Variants in CYFIP2 observed in about 807,000 individuals in gnomAD.
CYFIP2 encodes the protein cytoplasmic FMR1-interacting protein 2.
In CYFIP2, 29 loss-of-function variants were observed where a neutral mutation model predicts 158.7. The ratio of observed to expected loss-of-function variants is 0.18; its 90% CI spans 0.14 to 0.25. The LOEUF (loss-of-function observed/expected upper bound fraction) is 0.25. Ranked by LOEUF, CYFIP2 falls within the 10% of genes least tolerant of loss-of-function variation. The pLI, the probability that CYFIP2 is intolerant of heterozygous loss-of-function variation, is 1.00. For synonymous variants in CYFIP2, 585 were observed against 617.6 expected (o/e 0.95, Z 0.78); for missense variants, 852 against 1,639.5 (o/e 0.52, Z 8.29).
chr5:157,339,151 C>G lies in CYFIP2; in HGVS notation c.2480C>G (p.Ala827Gly). The change falls in exon 22 of 31, where the codon GCC becomes GGC. Residue 827 changes from alanine (A) to glycine (G), a missense_variant. Physicochemically the swap from Ala to Gly is moderately conservative, Grantham distance 60. Around this residue, in one of 8 missense-constraint regions of CYFIP2, gnomAD observed 191 missense variants for 311.2 expected, o/e 0.61. Coordinates refer to ENST00000620254, the MANE Select transcript of CYFIP2 (RefSeq NM_001037333.3). ...LDSFDAMFREANHNVSAPYGR... is the reference protein window; with the variant it reads ...LDSFDAMFREGNHNVSAPYGR... The stretch of plus-strand genomic sequence containing the variant: ...AGCTTCGATGCCATGTTCCGAGAGG[C>G]CAATCACAATGTGTCCGCCCCCTAT... 6.2e-7 allele frequency: 1 copy of G among 1,613,978 alleles called. No homozygotes were observed.
chr5:157,268,112 T>C (rs1016287458), intron 1 of CYFIP2, among the ~76,000 whole-genome samples: 1 of 152,220 alleles, frequency 6.6e-6, no homozygotes, highest in Non-Finnish European at 1.5e-5. Context: ...AAGAAGATAG[T>C]GTTGTTGCTT....
At position 157,394,677 on chromosome 5, in the gene CYFIP2, A is replaced by C. The variant is rs141032109; in HGVS notation, c.*1677A>C. ...TCAATGTTTGGGAACCACTGCTGTA[A>C]GGGAATCATTCTGGTCACCTTGAGC... On this transcript the variant is annotated 3_prime_UTR_variant, in exon 31 of 31. Coordinates refer to ENST00000620254, the MANE Select transcript of CYFIP2 (RefSeq NM_001037333.3). The C allele has an allele frequency of 2.0e-5, 3 of 152,364 alleles. No individual in the cohort carries two copies. The highest frequency in any genetic ancestry group is 2.0e-4 in the Admixed American group (3 of 15,308). The allele number at this position is 152,364 out of a possible 1,614,324, so 9.4% of individuals were successfully genotyped here.
chr5:157,350,554 A>G (rs1205259520), intron 23 of CYFIP2, among the ~76,000 whole-genome samples: 1 of 152,200 alleles, frequency 6.6e-6, no homozygotes, highest in East Asian at 1.9e-4. Flanking sequence ...GAAGTCGGGT[A>G]ATGTGATGCC....
chr5:157,379,927 G>A (rs1266457763), intron 26 of CYFIP2: 3 of 152,116 alleles, frequency 2.0e-5, no homozygotes, highest in Non-Finnish European at 2.9e-5. Context: ...GTCTCCTTGA[G>A]CATTCGGGAA....
intron 6 of CYFIP2, 70 bp downstream of exon 6, chr5:157,300,966 G>A (rs1758696442): frequency 7.4e-6 from 10 of 1,346,098 alleles, no homozygotes; most frequent in Non-Finnish European, 9.0e-6. Flanking sequence ...GTCAAGTGGA[G>A]GAAGAGAATG....
intron 9 of CYFIP2, among the ~76,000 whole-genome samples, chr5:157,308,761 C>G (rs1759453334): frequency 6.6e-6 from 1 of 152,116 alleles, no homozygotes; most frequent in Non-Finnish European, 1.5e-5. Flanking sequence ...TCTAGAGTTG[C>G]CCCAGATGAA....
intron 1 of CYFIP2, among the ~76,000 whole-genome samples, chr5:157,283,642 G>A (rs1383334638): frequency 6.6e-6 from 1 of 152,166 alleles, no homozygotes; most frequent in African/African-American, 2.4e-5. Flanking sequence ...AGCATTTGCT[G>A]TTGTCATGGT....
chr5:157,387,200 T>G (rs1766784325), intron 28 of CYFIP2, among the ~76,000 whole-genome samples: 1 of 152,246 alleles, frequency 6.6e-6, no homozygotes, highest in South Asian at 2.1e-4. Context: ...TGCTCATCTC[T>G]GGGTAATGAG....
chr5:157,382,714 C>T, intron 27 of CYFIP2, 52 bp downstream of exon 27: 1 of 1,561,396 alleles, frequency 6.4e-7, no homozygotes, highest in Non-Finnish European at 8.8e-7. Context: ...GAACCTTATT[C>T]TCACTTCCTA....
intron 5 of CYFIP2, among the ~76,000 whole-genome samples, chr5:157,297,620 G>A (rs1386436981): frequency 6.6e-6 from 1 of 152,196 alleles, no homozygotes; most frequent in African/African-American, 2.4e-5. Context: ...TCCAGAAACT[G>A]ATTAACTGAG....
rs1755578197 is a variant in CYFIP2, at chr5:157,266,231, G to A, written c.-24+36G>A. 1 of 150,936 alleles carries A rather than the reference G, an allele frequency of 6.6e-6. No individual in the cohort carries two copies. Among genetic ancestry groups the A allele is most frequent in the African/African-American group, 2.4e-5 (1 of 41,312 alleles). 9.3% of individuals were successfully genotyped at this position (150,936 alleles called of 1,614,324 possible). On this transcript the variant is annotated intron_variant, in intron 1 of 30. Coordinates refer to ENST00000620254, the MANE Select transcript of CYFIP2 (RefSeq NM_001037333.3). The surrounding 1 kb of genome is among the most constrained non-coding windows in gnomAD (Gnocchi z 4.2). ...CTCGCAGGCCTCGGGCCGGGCACGG[G>A]GACTAGGATGCCGCCGGGGACGGGG...
At chr5:157,322,082 T>C (rs866138408) in intron 15 of CYFIP2, among the ~76,000 whole-genome samples, 1 of 152,148 alleles carries the variant, frequency 6.6e-6, no homozygotes, top group African/African-American at 2.4e-5. Flanking sequence ...TCACCAGCAG[T>C]AAATCCCGCC....
chr5:157,269,632 G>A (rs1270763911), intron 1 of CYFIP2: 1 of 152,220 alleles, frequency 6.6e-6, no homozygotes, highest in Non-Finnish European at 1.5e-5. Context: ...TGGAAATAGA[G>A]AAGGAGCCTC....
rs750788982 is a variant in CYFIP2, at chr5:157,328,045, G to A, written c.2152G>A (p.Gly718Ser). 1.3e-5 allele frequency: 21 copies of A among 1,613,596 alleles called. No homozygotes were observed. Among genetic ancestry groups the A allele is most frequent in the Non-Finnish European group, 1.8e-5 (21 of 1,179,762 alleles). ...QIFAYYKAMAGSVLLDKRFRA... is the reference protein window; with the variant it reads ...QIFAYYKAMASSVLLDKRFRA... ...CTTTGCTTACTACAAAGCCATGGCT[G>A]GCAGGTAGGAAAGCCCCAGAGCTGT... Residue 718 changes from glycine to serine, a missense_variant, in exon 19 of 31, where the codon GGC (glycine) becomes AGC (serine). By Grantham distance (56) the Gly-to-Ser change is moderately conservative. Coordinates refer to ENST00000620254, the MANE Select transcript of CYFIP2 (RefSeq NM_001037333.3).
In CYFIP2 at chr5:157,300,711, C is replaced by T. The variant is rs756866992; in HGVS notation, c.388-4C>T. On this transcript the variant is annotated splice_polypyrimidine_tract_variant and splice_region_variant and intron_variant, in intron 5 of 30. Transcript: ENST00000620254. ...GACCTTACTCACTGCCCCTCTGCCC[C>T]CAGCGCAAGGCCATCGAGCGGTTCT... 1.9e-6 allele frequency: 3 copies of T among 1,581,154 alleles called. No homozygotes were observed. The highest frequency in any genetic ancestry group is 1.2e-5 in the South Asian group (1 of 85,808).
At chr5:157,316,063 C>G (rs1453562487) in intron 13 of CYFIP2, among the ~76,000 whole-genome samples, 1 of 151,906 alleles carries the variant, frequency 6.6e-6, no homozygotes, top group Non-Finnish European at 1.5e-5. Context: ...GCACTCCAGC[C>G]TGGGCGACAG....
chr5:157,315,048 C>G lies in CYFIP2; in HGVS notation c.1310C>G (p.Ala437Gly). 1 of 1,612,866 alleles carries G rather than the reference C, an allele frequency of 6.2e-7. No individual in the cohort carries two copies. Among genetic ancestry groups the G allele is most frequent in the East Asian group, 2.2e-5 (1 of 44,870 alleles). The change falls in exon 13 of 31, where the codon GCC becomes GGC. Residue 437 changes from alanine (A) to glycine (G), a missense_variant. Coordinates refer to ENST00000620254, the MANE Select transcript of CYFIP2 (RefSeq NM_001037333.3). ...CPGTAEEYER[A>G]TRYNYTSEEK... is the part of the protein sequence containing the mutation. ...GGCACCGCGGAGGAATATGAGAGAG[C>G]CACACGCTACAATTACACCAGTGAG...
Position 157,350,315 on chromosome 5 carries a change from G to A in CYFIP2, c.2674-8690G>A, listed in dbSNP as rs111665154. On this transcript the variant is annotated intron_variant, in intron 23 of 30. Coordinates refer to ENST00000620254, the MANE Select transcript of CYFIP2 (RefSeq NM_001037333.3). Reference sequence around the variant, plus strand: ...GAATTTTGTATAAGGTGAGAGATGAGGATCCAGTTTCATTCTTCTACATGT... The same window carrying A: ...GAATTTTGTATAAGGTGAGAGATGAAGATCCAGTTTCATTCTTCTACATGT... Among the ~76,000 whole-genome samples the A allele has an allele frequency of 1.3e-3, 202 of 152,254 alleles. 1 individual carries two copies. The highest frequency in any genetic ancestry group is 4.6e-3 in the African/African-American group (191 of 41,544).
At chr5:157,341,285 T>C (rs1052931627) in intron 23 of CYFIP2, 128 bp downstream of exon 23, 2 of 823,468 alleles carry the variant, frequency 2.4e-6, no homozygotes, top group Non-Finnish European at 4.0e-6. Flanking sequence ...GCACAGTGGC[T>C]CATACCTTTA....
Sources: gnomAD v4.1 joint callset for allele counts (sites outside exome capture counted in the v4.1 genomes callset) on GRCh38, gnomAD v4.1.1 for gene constraint, gnomAD v4.1.1 regional missense constraint, Gnocchi (gnomAD v3.1) non-coding constraint, MANE v1.5 for transcripts, NCBI Gene and HGNC (gene_info 2026-07-23, HGNC 2026-07-21) for gene names.